Variants in NEBL observed in about 807,000 individuals in gnomAD.
The protein encoded by NEBL is LIM and SH3 protein 2.
A neutral mutation model predicts 140.2 loss-of-function variants in NEBL; 122 were observed. The observed-to-expected ratio is 0.87, with a 90% CI of 0.75 to 1.01. The LOEUF (loss-of-function observed/expected upper bound fraction) is 1.01, where lower values mean the gene tolerates loss of function less well. NEBL is among the 50% of genes least tolerant of loss of function. The pLI, the probability that NEBL is intolerant of heterozygous loss-of-function variation, is 0.00. For missense variants in NEBL, 1,365 were observed against 1,231.3 expected (o/e 1.11, Z -1.62); for synonymous variants, 436 against 398.9 (o/e 1.09, Z -1.11).
intron 1 of NEBL, among the ~76,000 whole-genome samples, chr10:21,253,403 T>C (rs907001556): frequency 2.0e-5 from 3 of 152,036 alleles, no homozygotes; most frequent in Non-Finnish European, 4.4e-5. Flanking sequence ...ATCTGGACGC[T>C]CCTGACCAAA....
At chr10:21,223,529 T>G (rs1396977308) in intron 3 of NEBL, among the ~76,000 whole-genome samples, 4 of 152,242 alleles carry the variant, frequency 2.6e-5, no homozygotes, top group Non-Finnish European at 5.9e-5. Context: ...GAGATCTCTT[T>G]GATGTACTGA....
At chr10:21,068,456 T>G (rs1835664859) in intron 2 of NEBL, among the ~76,000 whole-genome samples, 2 of 152,192 alleles carry the variant, frequency 1.3e-5, no homozygotes, top group Admixed American at 6.5e-5. Flanking sequence ...CCAAATAACC[T>G]TGGAGCTTTC....
In NEBL at chr10:21,109,513, T is replaced by C. The variant is rs984082714; in HGVS notation, c.164+62870A>G. 8.5e-5 allele frequency among the ~76,000 whole-genome samples: 13 copies of C among 152,184 alleles called. 1 individual carries two copies. The highest frequency in any genetic ancestry group is 2.9e-4 in the African/African-American group (12 of 41,442). On this transcript the variant is annotated intron_variant, in intron 2 of 6. Coordinates refer to the NEBL transcript ENST00000417816. ...TGGTGTCAGGATGATGCTGGCCTCA[T>C]AAAATGAATTAGGGAGGATTCCCTC...
chr10:21,044,221 AC>A (rs1264489943), intron 2 of NEBL, among the ~76,000 whole-genome samples: 3 of 151,774 alleles, frequency 2.0e-5, no homozygotes, highest in Non-Finnish European at 1.5e-5. Context: ...ACATGGTGAA[AC>A]CCCATCTCTA....
chr10:20,810,525 G>T (rs1047713237), intron 24 of NEBL, among the ~76,000 whole-genome samples: 4 of 152,096 alleles, frequency 2.6e-5, no homozygotes, highest in African/African-American at 4.8e-5. Context: ...TATAAGCAAG[G>T]CACACAGCAA....
chr10:20,850,533 T>C (rs758765570), intron 10 of NEBL, 31 bp from the exon 11 acceptor site: 1 of 1,389,848 alleles, frequency 7.2e-7, no homozygotes, highest in Non-Finnish European at 1.0e-6. Context: ...CATATACAAA[T>C]CGAAAGTCCT....
intron 2 of NEBL, among the ~76,000 whole-genome samples, chr10:21,106,579 G>T (rs1175023729): frequency 3.3e-5 from 5 of 151,742 alleles, no homozygotes; most frequent in Non-Finnish European, 7.4e-5. Flanking sequence ...GCCTGTTTTG[G>T]TTACTATAGC....
intron 2 of NEBL, among the ~76,000 whole-genome samples, chr10:21,070,776 A>C (rs1835781235): frequency 6.6e-6 from 1 of 152,196 alleles, no homozygotes; most frequent in Non-Finnish European, 1.5e-5. Flanking sequence ...AAGGAAACGG[A>C]GTCTTTATTG....
At chr10:20,860,785 A>C (rs1843623207) in intron 7 of NEBL, among the ~76,000 whole-genome samples, 2 of 152,236 alleles carry the variant, frequency 1.3e-5, no homozygotes. Flanking sequence ...TTTGCAGAAG[A>C]CTTTATTAAA....
At chr10:20,812,746 G>A (rs761645864) in intron 24 of NEBL, 23 bp downstream of exon 24, 1 of 1,613,258 alleles carries the variant, frequency 6.2e-7, no homozygotes, top group African/African-American at 1.3e-5. Flanking sequence ...ACACACACCG[G>A]CCGACAAACG....
intron 9 of NEBL, among the ~76,000 whole-genome samples, chr10:20,855,894 G>A (rs182308975): frequency 6.6e-6 from 1 of 152,238 alleles, no homozygotes; most frequent in East Asian, 1.9e-4. Flanking sequence ...ATCTCTTATT[G>A]AGCAATCTTA....
At chr10:20,916,863 TCC>T (rs1274106942) in intron 4 of NEBL, among the ~76,000 whole-genome samples, 1 of 152,206 alleles carries the variant, frequency 6.6e-6, no homozygotes, top group Non-Finnish European at 1.5e-5. Context: ...AATATACAAG[TCC>T]TGCAGTGTAT....
At chr10:21,049,454 C>T (rs1039591790) in intron 2 of NEBL, among the ~76,000 whole-genome samples, 3 of 152,096 alleles carry the variant, frequency 2.0e-5, no homozygotes, top group Non-Finnish European at 2.9e-5. Flanking sequence ...ATTGATTACA[C>T]GTCAGAACCA....
chr10:21,078,180 T>C (rs1032286315), intron 2 of NEBL, among the ~76,000 whole-genome samples: 1 of 152,122 alleles, frequency 6.6e-6, no homozygotes, highest in Non-Finnish European at 1.5e-5. Context: ...AGTCCTAAAA[T>C]GAACACAGCA....
rs1450928539 is a variant in NEBL, at chr10:20,869,848, A to G, written c.481-7T>C. The G allele has an allele frequency of 2.5e-6, 4 of 1,573,494 alleles. No homozygotes were observed. The highest frequency in any genetic ancestry group is 3.5e-6 in the Non-Finnish European group (4 of 1,143,238). On this transcript the variant is annotated splice_region_variant and splice_polypyrimidine_tract_variant and intron_variant, in intron 5 of 27. Coordinates refer to ENST00000377122, the MANE Select transcript of NEBL (RefSeq NM_006393.3). The stretch of plus-strand genomic sequence containing the variant: ...CGTCTTTCCTATAAGAAATCTGATC[A>G]GAGACAGTTTTGGTTAAAAAATAAA...
chr10:20,815,481 C>A, intron 22 of NEBL, 144 bp downstream of exon 22: 1 of 685,884 alleles, frequency 1.5e-6, no homozygotes, highest in Non-Finnish European at 2.5e-6. Context: ...TTTTGGAAGT[C>A]ATCTGAAATA....
At chr10:20,946,487 G>A (rs1440562957) in intron 4 of NEBL, among the ~76,000 whole-genome samples, 1 of 151,980 alleles carries the variant, frequency 6.6e-6, no homozygotes. Flanking sequence ...TTTGAGACAG[G>A]ATCTCGCTCT....
At chr10:21,008,369 A>G (rs1838214626) in intron 3 of NEBL, among the ~76,000 whole-genome samples, 1 of 152,210 alleles carries the variant, frequency 6.6e-6, no homozygotes, top group African/African-American at 2.4e-5. Flanking sequence ...TTATTACAGC[A>G]TACTGTTGAA....
intron 2 of NEBL, among the ~76,000 whole-genome samples, chr10:21,248,451 C>A (rs977200594): frequency 2.6e-5 from 4 of 152,100 alleles, no homozygotes; most frequent in Non-Finnish European, 4.4e-5. Context: ...TTATTTCACT[C>A]AGCATAATGT....
Sources: allele counts gnomAD v4.1 joint callset (sites outside exome capture counted in the v4.1 genomes callset), GRCh38; gene constraint gnomAD v4.1.1; transcripts MANE v1.5; gene names NCBI Gene and HGNC (gene_info 2026-07-23, HGNC 2026-07-21).